Variants in TBC1D5 observed in about 807,000 individuals in gnomAD.
TBC1D5 encodes the protein TBC1 domain family member 5.
A neutral mutation model predicts 100.3 loss-of-function variants in TBC1D5; 75 were observed. The ratio of observed to expected loss-of-function variants is 0.75; its 90% confidence interval spans 0.62 to 0.91. TBC1D5 has a LOEUF of 0.91. TBC1D5 is among the 40% of genes least tolerant of loss of function. The pLI is 0.00. For synonymous variants in TBC1D5, 323 were observed against 325.6 expected (o/e 0.99, Z 0.09); for missense variants, 910 against 942.4 (o/e 0.97, Z 0.45).
intron 2 of TBC1D5, among the ~76,000 whole-genome samples, chr3:17,572,700 C>T (rs1424625653): frequency 6.6e-6 from 1 of 152,034 alleles, no homozygotes; most frequent in Admixed American, 6.6e-5. Flanking sequence ...ATGTCAAATT[C>T]GACGACCACT....
At chr3:17,376,195 T>C (rs370896089) in intron 10 of TBC1D5, among the ~76,000 whole-genome samples, 1 of 152,130 alleles carries the variant, frequency 6.6e-6, no homozygotes, top group Non-Finnish European at 1.5e-5. Flanking sequence ...AAATGGATCA[T>C]TGAGCATGAT....
chr3:17,702,505 A>G (rs938896592), intron 1 of TBC1D5, among the ~76,000 whole-genome samples: 8 of 152,172 alleles, frequency 5.3e-5, no homozygotes, highest in African/African-American at 1.4e-4. Flanking sequence ...TAAAAAATAC[A>G]CAGAAAAGGA....
At position 17,203,163 on chromosome 3, in the gene TBC1D5, G is replaced by C. The variant is rs560991868; in HGVS notation, c.1752+11044C>G. On this transcript the variant is annotated intron_variant, in intron 18 of 21. Coordinates refer to ENST00000253692, the Ensembl canonical transcript of TBC1D5. ...TTGGAAGCCCACCCCTTGCATGAGTGTTGTCTGGATGTCAGACATGGAGTC... is the reference window on the plus strand; with the variant it reads ...TTGGAAGCCCACCCCTTGCATGAGTCTTGTCTGGATGTCAGACATGGAGTC... Among the ~76,000 whole-genome samples, 162 of 152,340 alleles carry C rather than the reference G, an allele frequency of 1.1e-3. 2 individuals are homozygous for C. The highest frequency in any genetic ancestry group is 3.8e-3 in the African/African-American group (157 of 41,592).
At chr3:17,718,603 A>G (rs79964206) in intron 1 of TBC1D5, among the ~76,000 whole-genome samples, 5,329 of 152,096 alleles carry the variant, frequency 0.035, 122 homozygotes, top group Non-Finnish European at 0.05. Flanking sequence ...ACTCAAAAAA[A>G]TAAAATAAAA....
At chr3:17,733,498 G>T (rs758947528) in intron 1 of TBC1D5, among the ~76,000 whole-genome samples, 1 of 152,086 alleles carries the variant, frequency 6.6e-6, no homozygotes, top group African/African-American at 2.4e-5. Flanking sequence ...ACTTGGGGGG[G>T]GTGGAGCTAG....
intron 1 of TBC1D5, among the ~76,000 whole-genome samples, chr3:17,730,565 T>C (rs536601513): frequency 6.6e-6 from 1 of 152,262 alleles, no homozygotes; most frequent in South Asian, 2.1e-4. Flanking sequence ...AAGTGAGCCA[T>C]TTGGAAGTAG....
At chr3:17,388,539 A>G (rs1408337713) in intron 8 of TBC1D5, among the ~76,000 whole-genome samples, 1 of 151,954 alleles carries the variant, frequency 6.6e-6, no homozygotes, top group Non-Finnish European at 1.5e-5. Flanking sequence ...TCTCTAAAAG[A>G]TAAGCACTCT....
At chr3:17,486,807 C>A (rs2095574762) in intron 3 of TBC1D5, among the ~76,000 whole-genome samples, 1 of 152,154 alleles carries the variant, frequency 6.6e-6, no homozygotes, top group African/African-American at 2.4e-5. Flanking sequence ...GGGAGCTATG[C>A]AAACTTTATA....
At chr3:17,429,395 C>T (rs1378356484) in intron 3 of TBC1D5, among the ~76,000 whole-genome samples, 7 of 151,770 alleles carry the variant, frequency 4.6e-5, no homozygotes, top group Non-Finnish European at 1.0e-4. Flanking sequence ...TTAAAAATGT[C>T]ATTTGTTCTT....
chr3:17,686,457 A>C (rs1287739119), intron 1 of TBC1D5, among the ~76,000 whole-genome samples: 1 of 99,542 alleles, frequency 1.0e-5, no homozygotes, highest in African/African-American at 3.3e-5. Flanking sequence ...AATTAACCTA[A>C]TTTACTAATT....
intron 3 of TBC1D5, among the ~76,000 whole-genome samples, chr3:17,476,635 A>G (rs943293085): frequency 2.6e-4 from 39 of 152,164 alleles, no homozygotes; most frequent in African/African-American, 8.7e-4. Flanking sequence ...TAACAAATCA[A>G]TGTAAAAATT....
chr3:17,709,655 C>CT (rs1207861315), intron 1 of TBC1D5, among the ~76,000 whole-genome samples: 1 of 151,992 alleles, frequency 6.6e-6, no homozygotes, highest in Non-Finnish European at 1.5e-5. Flanking sequence ...CATAACCAGA[C>CT]TAGAAAGCCA....
At chr3:17,643,021 A>G (rs1362280263) in intron 1 of TBC1D5, among the ~76,000 whole-genome samples, 1 of 152,084 alleles carries the variant, frequency 6.6e-6, no homozygotes, top group Non-Finnish European at 1.5e-5. Context: ...GTCTTACTCA[A>G]ATTTCGTCAG....
At chr3:17,373,868 CT>C (rs1246531304) in intron 12 of TBC1D5, among the ~76,000 whole-genome samples, 2 of 152,010 alleles carry the variant, frequency 1.3e-5, no homozygotes, top group East Asian at 3.9e-4. Context: ...TGGAGAGTGA[CT>C]GTTAATGGAC....
intron 17 of TBC1D5, among the ~76,000 whole-genome samples, chr3:17,227,252 T>C (rs1183306319): frequency 6.6e-6 from 1 of 152,124 alleles, no homozygotes; most frequent in Admixed American, 6.5e-5. Flanking sequence ...GGGAGGGTCC[T>C]CTCTAGTGGA....
At chr3:17,626,339 T>C (rs922469085) in intron 1 of TBC1D5, among the ~76,000 whole-genome samples, 1 of 152,314 alleles carries the variant, frequency 6.6e-6, no homozygotes. Context: ...ACCTTTCTTG[T>C]TTAACTTTTT....
intron 2 of TBC1D5, among the ~76,000 whole-genome samples, chr3:17,581,960 C>T (rs563394650): frequency 6.6e-6 from 1 of 152,186 alleles, no homozygotes; most frequent in African/African-American, 2.4e-5. Context: ...ACCTCACTCT[C>T]TCACCTCCTT....
chr3:17,568,541 A>G lies in TBC1D5; in HGVS notation c.-36+55308T>C, dbSNP rs184383831. On this transcript the variant is annotated intron_variant, in intron 2 of 21. Coordinates refer to ENST00000253692, the Ensembl canonical transcript of TBC1D5. ...AAGATTCAAAGTCAATGACAAATAT[A>G]TAAGTTGATTATACTAAATCTCCCT... is the stretch of plus-strand genomic sequence containing the variant. Among the ~76,000 whole-genome samples the G allele has an allele frequency of 1.0e-3, 158 of 151,680 alleles. 3 individuals are homozygous for G. The South Asian group carries it at 0.019, about 18-fold the overall frequency.
At chr3:17,705,838 G>C (rs1045268529) in intron 1 of TBC1D5, among the ~76,000 whole-genome samples, 1 of 151,052 alleles carries the variant, frequency 6.6e-6, no homozygotes, top group Non-Finnish European at 1.5e-5. Flanking sequence ...TCACTTCCCA[G>C]ACGGGGTGGC....
Sources: gnomAD v4.1 joint callset for allele counts (sites outside exome capture counted in the v4.1 genomes callset) on GRCh38, gnomAD v4.1.1 for gene constraint, MANE v1.5 for transcripts, NCBI Gene and HGNC (gene_info 2026-07-23, HGNC 2026-07-21) for gene names.